Variants in GRM7 observed in about 807,000 individuals in gnomAD.
The protein encoded by GRM7 is metabotropic glutamate receptor 7.
Under a neutral mutation model 84.5 loss-of-function variants are expected in GRM7, and 35 were observed. That is an observed-to-expected ratio of 0.41 (90% CI 0.32 to 0.55). The LOEUF (loss-of-function observed/expected upper bound fraction) is 0.55, where lower values mean the gene tolerates loss of function less well. Ranked by LOEUF, GRM7 falls within the 20% of genes least tolerant of loss-of-function variation. The pLI is 0.19. For missense variants in GRM7, 1,003 were observed against 1,194.6 expected, an observed-to-expected ratio of 0.84 and a Z score of 2.36; for synonymous variants, 487 against 455.1, an observed-to-expected ratio of 1.07 and a Z score of -0.89.
At chr3:7,062,898 G>A (rs141967341) in intron 1 of GRM7, among the ~76,000 whole-genome samples, 1 of 151,782 alleles carries the variant, frequency 6.6e-6, no homozygotes, top group East Asian at 2.0e-4. Context: ...CTTATCCTTG[G>A]CTGGCTATGT....
rs4686153 is a variant in GRM7 at position 7,724,416 on chromosome 3, A to T, written c.2699-15941A>T. 3.3e-3 allele frequency among the ~76,000 whole-genome samples: 509 copies of T among 152,334 alleles called. 2 individuals carry two copies. The highest frequency in any genetic ancestry group is 0.018 in the Admixed American group (271 of 15,292). ...TTCCATCCATACTTTGTCAGAATAC[A>T]GTCCCTTTTCTATTTCCCACATTCA... On this transcript the variant is annotated intron_variant, in intron 9 of 9. Transcript: ENST00000357716.
At chr3:7,279,030 C>A (rs80031954) in intron 2 of GRM7, among the ~76,000 whole-genome samples, 2,604 of 152,174 alleles carry the variant, frequency 0.017, 82 homozygotes, top group African/African-American at 0.06. Context: ...ACTCTAATAT[C>A]CACTTTGGTG....
chr3:7,539,496 T>G (rs1340548547), intron 7 of GRM7, among the ~76,000 whole-genome samples: 1 of 151,556 alleles, frequency 6.6e-6, no homozygotes, highest in African/African-American at 2.4e-5. Flanking sequence ...CAAAAGATGG[T>G]GAAACCCCGT....
chr3:7,728,266 A>G (rs1702200321), intron 9 of GRM7, among the ~76,000 whole-genome samples: 2 of 152,242 alleles, frequency 1.3e-5, no homozygotes, highest in Admixed American at 1.3e-4. Context: ...AAACTGGAAA[A>G]GAAGAGAGTT....
At chr3:7,258,743 T>C (rs1698300652) in intron 2 of GRM7, among the ~76,000 whole-genome samples, 1 of 152,210 alleles carries the variant, frequency 6.6e-6, no homozygotes, top group Non-Finnish European at 1.5e-5. Flanking sequence ...CCACAATCCA[T>C]CATCTCCTTC....
At chr3:7,468,757 A>C (rs372384680) in intron 7 of GRM7, among the ~76,000 whole-genome samples, 3 of 151,906 alleles carry the variant, frequency 2.0e-5, no homozygotes, top group African/African-American at 7.3e-5. Context: ...GTGAGTTTTC[A>C]TGAGATCTGA....
chr3:6,968,081 T>C (rs1693598337), intron 1 of GRM7, among the ~76,000 whole-genome samples: 1 of 152,322 alleles, frequency 6.6e-6, no homozygotes, highest in South Asian at 2.1e-4. Context: ...CAAAAACAAA[T>C]GTATTGTCTA....
At chr3:7,271,606 C>T (rs1698867239) in intron 2 of GRM7, among the ~76,000 whole-genome samples, 1 of 150,202 alleles carries the variant, frequency 6.7e-6, no homozygotes, top group Non-Finnish European at 1.5e-5. Flanking sequence ...ATCTCAGGCC[C>T]TACTCCAGAC....
intron 1 of GRM7, among the ~76,000 whole-genome samples, chr3:7,130,980 A>T (rs1175919113): frequency 2.6e-5 from 4 of 152,164 alleles, no homozygotes; most frequent in African/African-American, 9.7e-5. Flanking sequence ...TGCGCAAGGA[A>T]TTATATCAGG....
chr3:7,609,350 G>C (rs1319919658), intron 8 of GRM7, among the ~76,000 whole-genome samples: 2 of 151,922 alleles, frequency 1.3e-5, no homozygotes, highest in East Asian at 3.9e-4. Context: ...GAAATTCAAT[G>C]CTGGGAGAAA....
intron 1 of GRM7, among the ~76,000 whole-genome samples, chr3:6,941,149 C>T (rs992427718): frequency 6.6e-6 from 1 of 152,126 alleles, no homozygotes; most frequent in Non-Finnish European, 1.5e-5. Context: ...CCTGGGAACC[C>T]GAAAGGCCAA....
intron 8 of GRM7, among the ~76,000 whole-genome samples, chr3:7,639,780 T>C (rs890807798): frequency 6.6e-6 from 1 of 152,144 alleles, no homozygotes; most frequent in Admixed American, 6.6e-5. Flanking sequence ...TTTTGACAAA[T>C]GTGTACACTT....
chr3:7,521,241 C>T (rs866488682), intron 7 of GRM7, among the ~76,000 whole-genome samples: 4 of 152,166 alleles, frequency 2.6e-5, no homozygotes, highest in African/African-American at 7.2e-5. Context: ...CCAGTGCCTT[C>T]GATGTTCCCC....
chr3:7,591,225 CT>C, intron 8 of GRM7, among the ~76,000 whole-genome samples: 1 of 152,224 alleles, frequency 6.6e-6, no homozygotes, highest in African/African-American at 2.4e-5. Flanking sequence ...TGACCAACCA[CT>C]GTTAAACATA....
chr3:7,180,102 G>A (rs1480813355), intron 2 of GRM7, among the ~76,000 whole-genome samples: 2 of 152,124 alleles, frequency 1.3e-5, no homozygotes, highest in Admixed American at 6.5e-5. Flanking sequence ...TGTTTGAAAA[G>A]TGATGATATA....
At position 7,287,988 on chromosome 3, in the gene GRM7, T is replaced by C. The variant is rs138307173; in HGVS notation, c.737-10696T>C. Among the ~76,000 whole-genome samples, 617 of 152,308 alleles carry C rather than the reference T, an allele frequency of 4.1e-3. 7 individuals are homozygous for C. The highest frequency in any genetic ancestry group is 0.014 in the African/African-American group (589 of 41,578). On this transcript the variant is annotated intron_variant, in intron 2 of 9. Coordinates refer to ENST00000357716, the MANE Select transcript of GRM7 (RefSeq NM_000844.4). ...ATAACTCTAATTTTGATATCTAATGTGGCAAGCTGTTATCCAAATTGATAT... is the reference window on the plus strand; with the variant it reads ...ATAACTCTAATTTTGATATCTAATGCGGCAAGCTGTTATCCAAATTGATAT...
intron 4 of GRM7, among the ~76,000 whole-genome samples, chr3:7,384,656 G>A (rs947448353): frequency 6.6e-6 from 1 of 152,088 alleles, no homozygotes; most frequent in Non-Finnish European, 1.5e-5. Flanking sequence ...AATCTTGGAT[G>A]TCTTCTACAT....
intron 7 of GRM7, chr3:7,559,024 ACAT>A (rs1202865985): frequency 6.6e-6 from 1 of 152,608 alleles, no homozygotes; most frequent in Non-Finnish European, 1.5e-5. Flanking sequence ...GTTTAATCAA[ACAT>A]CAGAAAATTA....
chr3:7,558,201 G>A (rs1220665203), intron 7 of GRM7, among the ~76,000 whole-genome samples: 2 of 152,006 alleles, frequency 1.3e-5, no homozygotes, highest in Admixed American at 1.3e-4. Flanking sequence ...TAATGCTTGA[G>A]CCTGGGTTTG....
Sources: allele counts gnomAD v4.1 joint callset (sites outside exome capture counted in the v4.1 genomes callset), GRCh38; gene constraint gnomAD v4.1.1; transcripts MANE v1.5; gene names NCBI Gene and HGNC (gene_info 2026-07-23, HGNC 2026-07-21).